HECW1: variants seen among roughly 807,000 people sequenced by gnomAD.
HECW1 encodes E3 ubiquitin-protein ligase HECW1.
A neutral mutation model predicts 182.3 loss-of-function variants in HECW1; 61 were observed. The observed-to-expected ratio is 0.33, with a 90% CI of 0.27 to 0.41. The LOEUF is 0.41. Ranked by LOEUF, HECW1 falls within the 10% of genes least tolerant of loss-of-function variation. The probability of loss-of-function intolerance (pLI) is 1.00; values close to 1 mark genes in which losing one functional copy is unlikely to be tolerated. For synonymous variants in HECW1, 859 were observed against 832.6 expected, an observed-to-expected ratio of 1.03 and a Z score of -0.55; for missense variants, 1,739 against 2,108.9, an observed-to-expected ratio of 0.82 and a Z score of 3.44.
chr7:43,219,507 G>A lies in HECW1; in HGVS notation c.-31-24368G>A, dbSNP rs180947435. Among the ~76,000 whole-genome samples the A allele has an allele frequency of 2.6e-4, 39 of 152,116 alleles. No homozygotes were observed. In the East Asian group the frequency reaches 6.6e-3, roughly 26 times the overall value. The stretch of plus-strand genomic sequence containing the variant: ...GGCAAGACTCCTGTCTCCAACAACC[G>A]AGCTCTCCAAGTGAGCAATTCCTGT... On this transcript the variant is annotated intron_variant, in intron 2 of 29. Coordinates refer to ENST00000395891, the MANE Select transcript of HECW1 (RefSeq NM_015052.5).
intron 3 of HECW1, among the ~76,000 whole-genome samples, chr7:43,249,685 A>G (rs913010738): frequency 6.6e-6 from 1 of 152,224 alleles, no homozygotes; most frequent in Non-Finnish European, 1.5e-5. Context: ...ATGCGTGTGT[A>G]GCTGACTGTT....
At position 43,542,010 on chromosome 7, in the gene HECW1, A is replaced by G. The variant is rs767496219; in HGVS notation, c.4248+12A>G. 2 of 1,485,572 alleles carry G rather than the reference A, an allele frequency of 1.3e-6. No individual in the cohort carries two copies. The highest frequency in any genetic ancestry group is 1.5e-5 in the South Asian group (1 of 67,396). 92.0% of individuals were successfully genotyped at this position (1,485,572 alleles called of 1,614,324 possible). On this transcript the variant is annotated intron_variant, in intron 26 of 29. Coordinates refer to ENST00000395891, the MANE Select transcript of HECW1 (RefSeq NM_015052.5). ...AGGTTTTTGGACAGGTTTGTGTGAC[A>G]TGGGGTTTGGAAAAGGGATTTTGTT...
intron 16 of HECW1, among the ~76,000 whole-genome samples, chr7:43,476,578 C>T (rs1371067320): frequency 1.3e-5 from 2 of 152,060 alleles, no homozygotes; most frequent in African/African-American, 2.4e-5. Flanking sequence ...AAAGAGGAAA[C>T]TTGCCCTACA....
chr7:43,307,981 TAGAAC>T, intron 3 of HECW1, among the ~76,000 whole-genome samples: 1 of 128,346 alleles, frequency 7.8e-6, no homozygotes, highest in Non-Finnish European at 1.6e-5. Flanking sequence ...TTATATATTA[TAGAAC>T]ATATAATATA....
chr7:43,151,240 A>G (rs1249978222), intron 2 of HECW1, among the ~76,000 whole-genome samples: 4 of 152,198 alleles, frequency 2.6e-5, no homozygotes, highest in Admixed American at 1.3e-4. Flanking sequence ...GGTGACACTC[A>G]GGGAGGATAA....
intron 2 of HECW1, among the ~76,000 whole-genome samples, chr7:43,209,867 A>G (rs1404470955): frequency 6.6e-6 from 1 of 152,174 alleles, no homozygotes; most frequent in African/African-American, 2.4e-5. Context: ...TGGGCCGGGC[A>G]TTGGCGTTCA....
At chr7:43,302,581 TG>T (rs1324547904) in intron 3 of HECW1, among the ~76,000 whole-genome samples, 3 of 152,168 alleles carry the variant, frequency 2.0e-5, no homozygotes, top group Non-Finnish European at 2.9e-5. Flanking sequence ...GAGGTCATCA[TG>T]GGGGCTCCTC....
intron 11 of HECW1, among the ~76,000 whole-genome samples, chr7:43,448,804 G>A (rs1344244612): frequency 6.6e-6 from 1 of 152,162 alleles, no homozygotes; most frequent in African/African-American, 2.4e-5. Flanking sequence ...AAATAGAAGG[G>A]AATTTAAAAC....
intron 2 of HECW1, among the ~76,000 whole-genome samples, chr7:43,209,145 G>T (rs1795759431): frequency 6.6e-6 from 1 of 151,448 alleles, no homozygotes; most frequent in South Asian, 2.1e-4. Flanking sequence ...GCCCCAAATT[G>T]TTTTATGAAG....
chr7:43,301,396 C>T (rs1007373549), intron 3 of HECW1, among the ~76,000 whole-genome samples: 2 of 152,198 alleles, frequency 1.3e-5, no homozygotes, highest in African/African-American at 4.8e-5. Context: ...GGGGACCATG[C>T]CCACCACCCC....
rs748600849 is a variant in HECW1, at chr7:43,445,386, CGAG to C, written c.2224_2226del (p.Glu742del). The C allele has an allele frequency of 3.6e-5, 58 of 1,613,616 alleles. No homozygotes were observed. The East Asian group carries it at 1.0e-3, about 28-fold the overall frequency. The stretch of plus-strand genomic sequence containing the variant: ...GCACGGTCTTCTCCTCGCAAGACGA[CGAG>C]GAGGAGGAGAACAGCGCGTTCGAGT... On this transcript the variant is annotated inframe_deletion, in exon 11 of 30. Transcript: ENST00000395891.
At chr7:43,528,821 G>A (rs2080866604) in intron 24 of HECW1, among the ~76,000 whole-genome samples, 1 of 152,204 alleles carries the variant, frequency 6.6e-6, no homozygotes, top group Non-Finnish European at 1.5e-5. Context: ...TGTGTTGGCA[G>A]AGTCTCTTTC....
At chr7:43,261,630 G>A (rs1801191099) in intron 3 of HECW1, among the ~76,000 whole-genome samples, 1 of 152,140 alleles carries the variant, frequency 6.6e-6, no homozygotes, top group African/African-American at 2.4e-5. Context: ...TTAAACACAC[G>A]GGATAAGCAC....
At chr7:43,134,722 A>AT (rs34083261) in intron 2 of HECW1, among the ~76,000 whole-genome samples, 6 of 151,140 alleles carry the variant, frequency 4.0e-5, no homozygotes, top group Non-Finnish European at 5.9e-5. Flanking sequence ...TATTTGGGGG[A>AT]TTTTTTTTTC....
intron 6 of HECW1, among the ~76,000 whole-genome samples, chr7:43,380,551 A>T (rs937102446): frequency 6.6e-6 from 1 of 151,624 alleles, no homozygotes; most frequent in Non-Finnish European, 1.5e-5. Flanking sequence ...CCCCTAGATG[A>T]AGTTTTGCTC....
chr7:43,134,594 C>T (rs1050005318), intron 2 of HECW1, among the ~76,000 whole-genome samples: 1 of 152,032 alleles, frequency 6.6e-6, no homozygotes, highest in African/African-American at 2.4e-5. Flanking sequence ...CAGCTTTGAA[C>T]TCCTGGGCTC....
chr7:43,345,056 C>T (rs563655439), intron 5 of HECW1, among the ~76,000 whole-genome samples: 4 of 152,192 alleles, frequency 2.6e-5, no homozygotes, highest in Admixed American at 2.0e-4. Context: ...GTATAGACTC[C>T]GCTCAGCAAA....
chr7:43,398,219 T>G (rs1457769273), intron 7 of HECW1, among the ~76,000 whole-genome samples: 1 of 152,016 alleles, frequency 6.6e-6, no homozygotes, highest in Non-Finnish European at 1.5e-5. Context: ...ATTGCACCAC[T>G]GTACTCCAAC....
intron 12 of HECW1, among the ~76,000 whole-genome samples, chr7:43,454,501 A>T (rs928196182): frequency 1.3e-5 from 2 of 152,240 alleles, no homozygotes; most frequent in Non-Finnish European, 2.9e-5. Flanking sequence ...AACACTTGAC[A>T]GCTGGATTAT....
Sources: allele counts gnomAD v4.1 joint callset (sites outside exome capture counted in the v4.1 genomes callset), GRCh38; gene constraint gnomAD v4.1.1; transcripts MANE v1.5; gene names NCBI Gene and HGNC (gene_info 2026-07-23, HGNC 2026-07-21).